Variants in CA3 observed in about 807,000 individuals in gnomAD.
CA3 encodes CA-III.
In CA3, 30 loss-of-function variants were observed where a neutral mutation model predicts 35.7. That is an observed-to-expected ratio of 0.84 (90% confidence interval 0.63 to 1.14). The LOEUF is 1.14. CA3 is among the 50% of genes most tolerant of loss of function. The pLI is 0.00. For missense variants in CA3, 295 were observed against 328.5 expected, an observed-to-expected ratio of 0.90 and a Z score of 0.79; for synonymous variants, 131 against 130.8, an observed-to-expected ratio of 1.00 and a Z score of -0.01.
chr8:85,448,161 G>A lies in CA3; in HGVS notation c.*8G>A, dbSNP rs1467070271. 4.3e-6 allele frequency: 7 copies of A among 1,610,584 alleles called. No individual in the cohort carries two copies. The Admixed American group carries it at 5.0e-5, about 12-fold the overall frequency. ...AGAGCTTCCTTCAAATGAGGCTGCT[G>A]GATCTTGCCCTCTTCAGGAAAGGAA... On this transcript the variant is annotated 3_prime_UTR_variant, in exon 7 of 7. Transcript: ENST00000285381.
rs1462668788 is a variant in CA3, at chr8:85,448,042, G to A, written c.672G>A (p.Lys224=). 1 of 1,610,892 alleles carries A rather than the reference G, an allele frequency of 6.2e-7. No individual in the cohort carries two copies. The highest frequency in any genetic ancestry group is 8.5e-7 in the Non-Finnish European group (1 of 1,178,746). The part of the protein sequence containing the change: ...PMTVSSDQMA[K]LRSLLSSAEN... ...GCCCCTGCCCTTTGCAGATGGCCAAGCTGCGGAGCCTCCTCTCCAGTGCTG... is the reference window on the plus strand; with the variant it reads ...GCCCCTGCCCTTTGCAGATGGCCAAACTGCGGAGCCTCCTCTCCAGTGCTG... Residue 224 remains lysine (K), a synonymous_variant, in exon 7 of 7, where the codon AAG becomes AAA. Transcript: ENST00000285381.
intron 2 of CA3, 103 bp downstream of exon 2, chr8:85,440,012 C>T: frequency 1.3e-6 from 1 of 792,316 alleles, no homozygotes; most frequent in Non-Finnish European, 2.1e-6. Context: ...AGAGGGAGCA[C>T]TTTATCTTTT....
At chr8:85,444,200 C>A in intron 4 of CA3, 74 bp downstream of exon 4, 1 of 890,136 alleles carries the variant, frequency 1.1e-6, no homozygotes, top group Non-Finnish European at 1.8e-6. Flanking sequence ...GTTTGAGTTT[C>A]ATTTCCTCAT....
At chr8:85,446,380 C>A in intron 6 of CA3, 83 bp downstream of exon 6, 1 of 1,454,030 alleles carries the variant, frequency 6.9e-7, no homozygotes, top group Non-Finnish European at 9.4e-7. Flanking sequence ...TACATAGCTA[C>A]TAACTGGATA....
intron 2 of CA3, 41 bp downstream of exon 2, chr8:85,439,950 A>G: frequency 6.7e-7 from 1 of 1,500,442 alleles, no homozygotes; most frequent in Middle Eastern, 2.1e-4. Flanking sequence ...GATGTTTTCA[A>G]GGTCCATATT....
At position 85,448,656 on chromosome 8, in the gene CA3, A is replaced by G. The variant is rs1811328253; in HGVS notation, c.*503A>G. 6.6e-6 allele frequency: 1 copy of G among 152,246 alleles called. No individual in the cohort carries two copies. The highest frequency in any genetic ancestry group is 1.5e-5 in the Non-Finnish European group (1 of 68,054). The allele number at this position is 152,246 out of a possible 1,614,324, so 9.4% of individuals were successfully genotyped here. On this transcript the variant is annotated 3_prime_UTR_variant, in exon 7 of 7. Coordinates refer to ENST00000285381, the MANE Select transcript of CA3 (RefSeq NM_005181.4). ...ACTATAGACAGCAAGAATTGAGCTA[A>G]TAATATGTTTTAACTCTTAACACCA...
chr8:85,439,840 T>C lies in CA3; in HGVS notation c.163T>C (p.Ser55Pro). Residue 55 changes from serine to proline, a missense_variant, in exon 2 of 7, where the codon TCT becomes CCT. Ser to Pro is a moderately conservative substitution (Grantham distance 74, BLOSUM62 -1). Coordinates refer to ENST00000285381, the MANE Select transcript of CA3 (RefSeq NM_005181.4). ...ATGGTCTGTGTCTTATGATGGTGGC[T>C]CTGCCAAGACCATCCTGAATAATGG... ...QPWSVSYDGG[S>P]AKTILNNGKT... is the part of the protein sequence containing the mutation. 1 of 1,614,060 alleles carries C rather than the reference T, an allele frequency of 6.2e-7. No homozygotes were observed.
chr8:85,441,352 A>C (rs1811204010), intron 2 of CA3, among the ~76,000 whole-genome samples: 1 of 152,228 alleles, frequency 6.6e-6, no homozygotes, highest in Non-Finnish European at 1.5e-5. Flanking sequence ...AGAATTATCT[A>C]GTTTAATCAT....
At chr8:85,439,242 G>A (rs1438806447) in intron 1 of CA3, among the ~76,000 whole-genome samples, 1 of 152,150 alleles carries the variant, frequency 6.6e-6, no homozygotes, top group Non-Finnish European at 1.5e-5. Context: ...CCGAGGTCAG[G>A]TGTGACTGGC....
At chr8:85,440,470 T>C (rs1183451084) in intron 2 of CA3, among the ~76,000 whole-genome samples, 1 of 152,246 alleles carries the variant, frequency 6.6e-6, no homozygotes, top group East Asian at 1.9e-4. Flanking sequence ...GTGAGTATTT[T>C]TGAAATATCT....
In CA3 at chr8:85,448,391, A is replaced by G. The variant is rs1811323165; in HGVS notation, c.*238A>G. The G allele has an allele frequency of 1.3e-5, 4 of 303,764 alleles. No homozygotes were observed. Among genetic ancestry groups the G allele is most frequent in the Admixed American group, 5.1e-5 (1 of 19,744 alleles). 18.8% of individuals were successfully genotyped at this position (303,764 alleles called of 1,614,324 possible). Reference sequence around the variant, plus strand: ...TCTCTGTAATAATCATCTTTCCTATAAAAGTAGCATTTTTGGTAAAGTTTC... The same window carrying G: ...TCTCTGTAATAATCATCTTTCCTATGAAAGTAGCATTTTTGGTAAAGTTTC... On this transcript the variant is annotated 3_prime_UTR_variant, in exon 7 of 7. Transcript: ENST00000285381.
intron 1 of CA3, among the ~76,000 whole-genome samples, chr8:85,439,475 A>C (rs1564069177): frequency 6.6e-6 from 1 of 152,208 alleles, no homozygotes; most frequent in Non-Finnish European, 1.5e-5. Flanking sequence ...TTATCTGAAA[A>C]ATAAGCCTTT....
At chr8:85,445,852 A>G (rs1221993482) in intron 5 of CA3, among the ~76,000 whole-genome samples, 1 of 152,228 alleles carries the variant, frequency 6.6e-6, no homozygotes, top group African/African-American at 2.4e-5. Flanking sequence ...TACACTTGAG[A>G]TATCAGTTTC....
intron 6 of CA3, among the ~76,000 whole-genome samples, chr8:85,446,856 T>G (rs1811299822): frequency 6.6e-6 from 1 of 152,254 alleles, no homozygotes; most frequent in Admixed American, 6.5e-5. Context: ...TCTTACTGTT[T>G]GATCTAAAGA....
chr8:85,442,217 C>A (rs750923127), intron 3 of CA3, 26 bp downstream of exon 3: 2 of 1,197,528 alleles, frequency 1.7e-6, no homozygotes, highest in South Asian at 1.2e-5. Context: ...ATAATCCATT[C>A]TCGGTCTCAT....
At chr8:85,442,772 G>A (rs1159634765) in intron 3 of CA3, among the ~76,000 whole-genome samples, 3 of 152,224 alleles carry the variant, frequency 2.0e-5, no homozygotes, top group Middle Eastern at 3.4e-3. Context: ...AAAGCCCAGG[G>A]TCCTCAATGG....
intron 4 of CA3, 114 bp from the exon 5 acceptor site, chr8:85,445,042 T>C (rs1811263545): frequency 3.2e-6 from 2 of 628,788 alleles, no homozygotes; most frequent in South Asian, 4.4e-5. Context: ...TACGAGATAT[T>C]CTGGCAGATT....
At position 85,448,195 on chromosome 8, in the gene CA3, T is replaced by C. The variant is rs140412345; in HGVS notation, c.*42T>C. On this transcript the variant is annotated 3_prime_UTR_variant, in exon 7 of 7. Coordinates refer to ENST00000285381, the MANE Select transcript of CA3 (RefSeq NM_005181.4). ...CCTCTTCAGGAAAGGAAACCTACCATTGGAGAGCTTGGTTCCTTGCCTCCT... is the reference window on the plus strand; with the variant it reads ...CCTCTTCAGGAAAGGAAACCTACCACTGGAGAGCTTGGTTCCTTGCCTCCT... The C allele has an allele frequency of 7.0e-3, 11,049 of 1,584,894 alleles. 66 individuals are homozygous for C. Among genetic ancestry groups the C allele is most frequent in the Non-Finnish European group, 7.6e-3 (8,881 of 1,165,874 alleles).
chr8:85,441,800 T>C, intron 2 of CA3: 1 of 401,586 alleles, frequency 2.5e-6, no homozygotes, highest in Non-Finnish European at 4.7e-6. Flanking sequence ...CTATCTGTTG[T>C]TTTAATTTTG....
Sources: allele counts gnomAD v4.1 joint callset (sites outside exome capture counted in the v4.1 genomes callset), GRCh38; gene constraint gnomAD v4.1.1; transcripts MANE v1.5; gene names NCBI Gene and HGNC (gene_info 2026-07-23, HGNC 2026-07-21).